Variants in UBP1 observed in about 807,000 individuals in gnomAD.
UBP1 encodes the protein upstream-binding protein 1.
Under a neutral mutation model 76.1 loss-of-function variants are expected in UBP1, and 22 were observed. The observed-to-expected ratio is 0.29, with a 90% confidence interval of 0.21 to 0.41. The LOEUF is 0.41. UBP1 is among the 10% of genes least tolerant of loss of function. The probability of loss-of-function intolerance (pLI) is 1.00; values close to 1 mark genes in which losing one functional copy is unlikely to be tolerated. For synonymous variants in UBP1, 224 were observed against 237.1 expected (o/e 0.94, Z 0.51); for missense variants, 436 against 668.1 (o/e 0.65, Z 3.83).
chr3:33,397,988 T>C (rs2044074105), intron 11 of UBP1: 2 of 152,198 alleles, frequency 1.3e-5, no homozygotes, highest in Non-Finnish European at 2.9e-5. Context: ...AGGATTTGCT[T>C]TGAAATACAA....
chr3:33,397,926 T>C (rs1437855009), intron 11 of UBP1: 2 of 152,140 alleles, frequency 1.3e-5, no homozygotes. Context: ...CCTGAGTACA[T>C]ACACACCATG....
chr3:33,429,298 C>T (rs1283204103), intron 1 of UBP1, among the ~76,000 whole-genome samples: 2 of 151,894 alleles, frequency 1.3e-5, no homozygotes, highest in African/African-American at 2.4e-5. Context: ...TGGAAACAGA[C>T]TTTTGAGTAC....
chr3:33,423,587 G>C (rs903008725), intron 2 of UBP1, among the ~76,000 whole-genome samples: 1 of 152,142 alleles, frequency 6.6e-6, no homozygotes, highest in Non-Finnish European at 1.5e-5. Flanking sequence ...GAGCCTGCTG[G>C]AGTACTGGAA....
chr3:33,399,507 A>C (rs1305968160), intron 11 of UBP1, among the ~76,000 whole-genome samples: 1 of 152,236 alleles, frequency 6.6e-6, no homozygotes, highest in Non-Finnish European at 1.5e-5. Flanking sequence ...TGATAAACAC[A>C]ACAACTTAGG....
Position 33,401,034 on chromosome 3 carries a change from A to G in UBP1, c.1032-18T>C, listed in dbSNP as rs748523195. On this transcript the variant is annotated intron_variant, in intron 9 of 15. Transcript: ENST00000283629. ...AAGAATTGCTGGGGAGAAAGGAGAA[A>G]GAAGGAAATGATGATTTTTATAATA... The G allele has an allele frequency of 1.3e-6, 2 of 1,584,918 alleles. No individual in the cohort carries two copies. The highest frequency in any genetic ancestry group is 2.3e-5 in the East Asian group (1 of 43,318).
chr3:33,398,390 C>G (rs559002063), intron 11 of UBP1: 1 of 152,224 alleles, frequency 6.6e-6, no homozygotes, highest in East Asian at 1.9e-4. Flanking sequence ...CAAAGAGGCT[C>G]TCTTTCATCT....
intron 3 of UBP1, among the ~76,000 whole-genome samples, chr3:33,413,081 T>C (rs1013611969): frequency 6.6e-6 from 1 of 152,178 alleles, no homozygotes; most frequent in Non-Finnish European, 1.5e-5. Flanking sequence ...ATAAAATGAT[T>C]TGTTATTGCA....
At chr3:33,418,850 ACT>A (rs1219767152) in intron 2 of UBP1, among the ~76,000 whole-genome samples, 3 of 136,560 alleles carry the variant, frequency 2.2e-5, no homozygotes, top group South Asian at 2.5e-4. Context: ...CAAGAACGAA[ACT>A]CTGTCTCCAA....
chr3:33,419,488 C>T (rs1247933717), intron 2 of UBP1, among the ~76,000 whole-genome samples: 1 of 152,026 alleles, frequency 6.6e-6, no homozygotes, highest in Admixed American at 6.6e-5. Context: ...ACTAGCTGGG[C>T]GTGGTGGCAG....
chr3:33,397,012 T>C (rs1330223193), intron 12 of UBP1, 33 bp downstream of exon 12: 10 of 1,571,454 alleles, frequency 6.4e-6, no homozygotes, highest in African/African-American at 1.4e-5. Flanking sequence ...AGGTACATTC[T>C]TATTTCAAGC....
chr3:33,421,576 A>G (rs1483764519), intron 2 of UBP1, among the ~76,000 whole-genome samples: 2 of 152,204 alleles, frequency 1.3e-5, no homozygotes, highest in Non-Finnish European at 2.9e-5. Context: ...AGCCTTAAAC[A>G]CAAATAAGTT....
At chr3:33,434,812 G>A (rs752396271) in intron 1 of UBP1, among the ~76,000 whole-genome samples, 20 of 143,720 alleles carry the variant, frequency 1.4e-4, no homozygotes, top group Non-Finnish European at 1.7e-4. Flanking sequence ...TCAGCTTCCC[G>A]AGTAGCTGGG....
chr3:33,425,566 C>G (rs749595957), intron 2 of UBP1, 24 bp downstream of exon 2: 1 of 1,489,768 alleles, frequency 6.7e-7, no homozygotes. Context: ...TCTTACATGT[C>G]AAATGTGACA....
At position 33,388,637 on chromosome 3, in the gene UBP1, C is replaced by T. The variant is rs917641184; in HGVS notation, c.*1694G>A. Reference sequence around the variant, plus strand: ...AGACAAGCAAAACTTTTAAAACAAACGAGATAAACTCACTTCTTTCCCCAG... The same window carrying T: ...AGACAAGCAAAACTTTTAAAACAAATGAGATAAACTCACTTCTTTCCCCAG... On this transcript the variant is annotated 3_prime_UTR_variant, in exon 16 of 16. Transcript: ENST00000283629. 3 of 152,158 alleles carry T rather than the reference C, an allele frequency of 2.0e-5. No individual in the cohort carries two copies. The highest frequency in any genetic ancestry group is 2.1e-4 in the South Asian group (1 of 4,826). The allele number at this position is 152,158 out of a possible 1,614,324, so 9.4% of individuals were successfully genotyped here. A position where few individuals can be genotyped will look rare whatever the true frequency, so the allele number is the denominator to read the frequency against.
At chr3:33,396,520 G>A (rs1360744986) in intron 12 of UBP1, 2 of 485,946 alleles carry the variant, frequency 4.1e-6, no homozygotes, top group Admixed American at 3.4e-5. Context: ...TCAGATGCTG[G>A]TAAATTTAAG....
At chr3:33,412,581 C>CAAA in intron 4 of UBP1, 141 bp downstream of exon 4, 14 of 500,794 alleles carry the variant, frequency 2.8e-5, no homozygotes, top group Non-Finnish European at 4.2e-5. Flanking sequence ...GGCTCTGTCT[C>CAAA]AAAAAAAAAA....
rs1376432760 is a variant in UBP1 at position 33,388,825 on chromosome 3, A to AAACAT, written c.*1501_*1505dup. On this transcript the variant is annotated 3_prime_UTR_variant, in exon 16 of 16. Transcript: ENST00000283629. ...AAATAATTAACCCCCTTTATGAATA[A>AAACAT]AACATAAAATGTCAAAGCTTTTACT... 2.0e-5 allele frequency: 3 copies of AAACAT among 152,220 alleles called. No homozygotes were observed. Among genetic ancestry groups the AAACAT allele is most frequent in the African/African-American group, 7.2e-5 (3 of 41,442 alleles). 9.4% of individuals were successfully genotyped at this position (152,220 alleles called of 1,614,324 possible).
At chr3:33,424,842 C>CT (rs1191064527) in intron 2 of UBP1, among the ~76,000 whole-genome samples, 1 of 152,132 alleles carries the variant, frequency 6.6e-6, no homozygotes, top group African/African-American at 2.4e-5. Flanking sequence ...GGTCAGGAGT[C>CT]TGAGACTAGC....
At chr3:33,420,105 T>C (rs2044847327) in intron 2 of UBP1, among the ~76,000 whole-genome samples, 2 of 152,198 alleles carry the variant, frequency 1.3e-5, no homozygotes, top group African/African-American at 4.8e-5. Context: ...GAGCCCAAGA[T>C]GTGACAGCCC....
Sources: gnomAD v4.1 joint callset for allele counts (sites outside exome capture counted in the v4.1 genomes callset) on GRCh38, gnomAD v4.1.1 for gene constraint, MANE v1.5 for transcripts, NCBI Gene and HGNC (gene_info 2026-07-23, HGNC 2026-07-21) for gene names.